The following TMEM74 variants were observed in gnomAD, a reference collection of about 807,000 sequenced individuals.
The protein encoded by TMEM74 is transmembrane protein 74.
Under a neutral mutation model 18.1 loss-of-function variants are expected in TMEM74, and 13 were observed. The ratio of observed to expected loss-of-function variants is 0.72; its 90% CI spans 0.47 to 1.14. The LOEUF is 1.14. Among genes scored for constraint, TMEM74 ranks in the 50% most tolerant of loss-of-function variants. TMEM74 has a pLI of 0.00. For missense variants in TMEM74, 372 were observed against 375.9 expected (o/e 0.99, Z 0.09); for synonymous variants, 159 against 146.6 (o/e 1.08, Z -0.61).
chr8:108,753,998 T>TA (rs1399312121), intron 1 of TMEM74, among the ~76,000 whole-genome samples: 1 of 152,070 alleles, frequency 6.6e-6, no homozygotes, highest in Admixed American at 6.6e-5. Flanking sequence ...GGCCCAACCT[T>TA]AGAGTTTCTG....
intron 1 of TMEM74, among the ~76,000 whole-genome samples, chr8:108,712,151 G>A (rs1467441513): frequency 6.6e-6 from 1 of 152,102 alleles, no homozygotes; most frequent in Admixed American, 6.5e-5. Context: ...AGTCCTCCAG[G>A]TGATTCTGAT....
intron 2 of TMEM74, among the ~76,000 whole-genome samples, chr8:108,640,680 G>A (rs1812657228): frequency 6.6e-6 from 1 of 151,802 alleles, no homozygotes; most frequent in Non-Finnish European, 1.5e-5. Flanking sequence ...CTTTTATATA[G>A]TCAACCTATG....
intron 1 of TMEM74, among the ~76,000 whole-genome samples, chr8:108,689,912 C>G (rs1046308923): frequency 1.3e-5 from 2 of 152,148 alleles, no homozygotes; most frequent in African/African-American, 4.8e-5. Context: ...TTGTTTTTCT[C>G]TTATGCAGAT....
chr8:108,771,041 T>A (rs1814165641), intron 1 of TMEM74, among the ~76,000 whole-genome samples: 1 of 152,176 alleles, frequency 6.6e-6, no homozygotes, highest in African/African-American at 2.4e-5. Flanking sequence ...GATAACTGAG[T>A]TCTTCAGGTT....
intron 1 of TMEM74, among the ~76,000 whole-genome samples, chr8:108,704,807 G>A (rs915976453): frequency 6.6e-6 from 1 of 152,184 alleles, no homozygotes; most frequent in Admixed American, 6.5e-5. Flanking sequence ...GCAGGAGGTG[G>A]TGTCTTACCT....
intron 1 of TMEM74, among the ~76,000 whole-genome samples, chr8:108,661,923 A>G (rs778647231): frequency 7.2e-5 from 11 of 152,200 alleles, no homozygotes; most frequent in Non-Finnish European, 1.0e-4. Context: ...GAAGGAAATA[A>G]TAACAGATGA....
chr8:108,661,460 G>T (rs1417153554), intron 1 of TMEM74, among the ~76,000 whole-genome samples: 1 of 140,408 alleles, frequency 7.1e-6, no homozygotes, highest in Non-Finnish European at 1.5e-5. Context: ...TGGCACATTG[G>T]TCTTTTTGTT....
At chr8:108,769,163 TA>T (rs66589307) in intron 1 of TMEM74, among the ~76,000 whole-genome samples, 11,602 of 132,746 alleles carry the variant, frequency 0.087, 557 homozygotes, top group Admixed American at 0.16. Flanking sequence ...CTACTACTAC[TA>T]AAAAAAAAAA....
chr8:108,735,756 C>T (rs1323261445), intron 1 of TMEM74, among the ~76,000 whole-genome samples: 2 of 152,066 alleles, frequency 1.3e-5, no homozygotes, highest in Non-Finnish European at 1.5e-5. Flanking sequence ...CATATGGCAT[C>T]TTTATCTTTA....
At chr8:108,647,553 A>C (rs1812732261) in intron 2 of TMEM74, among the ~76,000 whole-genome samples, 1 of 152,170 alleles carries the variant, frequency 6.6e-6, no homozygotes, top group Non-Finnish European at 1.5e-5. Context: ...TTAAAGATTC[A>C]CTAAGTAAAG....
chr8:108,735,413 A>G (rs981261447), intron 1 of TMEM74, among the ~76,000 whole-genome samples: 4 of 73,392 alleles, frequency 5.5e-5, no homozygotes, highest in East Asian at 7.0e-4. Context: ...TACTTTCTGT[A>G]TCTACAGTTT....
In TMEM74 at chr8:108,642,350, G is replaced by T. The variant is rs896641970; in HGVS notation, n.264+12943C>A. Among the ~76,000 whole-genome samples, 3 of 141,358 alleles carry T rather than the reference G, an allele frequency of 2.1e-5. No homozygotes were observed. The Admixed American group carries it at 2.2e-4, about 11-fold the overall frequency. 92.7% of individuals were successfully genotyped at this position (141,358 alleles called of 152,430 possible). ...GGAGGCGGAGGTTGCAGTCAGCCGA[G>T]ACTGTGTCACTGCACTCCACCACAG... is the stretch of plus-strand genomic sequence containing the variant. On this transcript the variant is annotated intron_variant and non_coding_transcript_variant, in intron 2 of 3. Coordinates refer to the TMEM74 transcript ENST00000518838.
At chr8:108,663,529 T>C (rs1299512542) in intron 1 of TMEM74, among the ~76,000 whole-genome samples, 15 of 152,096 alleles carry the variant, frequency 9.9e-5, no homozygotes, top group Admixed American at 5.2e-4. Context: ...TAAATTAATT[T>C]AACCATTGTG....
intron 1 of TMEM74, among the ~76,000 whole-genome samples, chr8:108,700,130 G>GGT (rs3049748): frequency 0.19 from 27,057 of 142,940 alleles, 2,638 homozygotes; most frequent in East Asian, 0.39. Context: ...GGCCATAAAT[G>GGT]GTGTGTGTGT....
At chr8:108,762,290 G>T (rs1363139870) in intron 1 of TMEM74, among the ~76,000 whole-genome samples, 1 of 152,028 alleles carries the variant, frequency 6.6e-6, no homozygotes, top group East Asian at 1.9e-4. Flanking sequence ...AACATGCTGG[G>T]TTTCCTGTGA....
At chr8:108,718,973 TATATATATACGTATATATAC>T (rs1336726142) in intron 1 of TMEM74, among the ~76,000 whole-genome samples, 4 of 20,822 alleles carry the variant, frequency 1.9e-4, no homozygotes, top group Non-Finnish European at 1.8e-4. Context: ...TGTGTGTGTA[TATATATATACGTATATATAC>T]GTATATATAC....
rs1265553770 is a variant in TMEM74 at position 108,717,954 on chromosome 8, T to G, written n.120-62517A>C. Among the ~76,000 whole-genome samples, 28 of 51,614 alleles carry G rather than the reference T, an allele frequency of 5.4e-4. 4 individuals are homozygous for G. The highest frequency in any genetic ancestry group is 7.1e-4 in the Non-Finnish European group (24 of 33,966). 33.9% of individuals were successfully genotyped at this position (51,614 alleles called of 152,430 possible). On this transcript the variant is annotated intron_variant and non_coding_transcript_variant, in intron 1 of 3. Coordinates refer to the TMEM74 transcript ENST00000518838. ...TGATCTGACTTAGGTTTTTTTTTTT[T>G]TTTTTTTTTTTTTTTTTTTTTTGAG...
intron 1 of TMEM74, among the ~76,000 whole-genome samples, chr8:108,785,499 C>T (rs2129674068): frequency 6.6e-6 from 1 of 152,264 alleles, no homozygotes; most frequent in Non-Finnish European, 1.5e-5. Context: ...TGTAAAAAGA[C>T]AAATGAGAAA....
intron 1 of TMEM74, among the ~76,000 whole-genome samples, chr8:108,725,084 C>T (rs1459090443): frequency 2.6e-5 from 4 of 152,190 alleles, no homozygotes; most frequent in Non-Finnish European, 5.9e-5. Context: ...CATGTTTAGG[C>T]CCACTTCGAG....
Sources: gnomAD v4.1 joint callset for allele counts (sites outside exome capture counted in the v4.1 genomes callset) on GRCh38, gnomAD v4.1.1 for gene constraint, MANE v1.5 for transcripts, NCBI Gene and HGNC (gene_info 2026-07-23, HGNC 2026-07-21) for gene names.